Variants in ASB5 observed in about 807,000 individuals in gnomAD.
The protein encoded by ASB5 is ankyrin repeat and SOCS box protein 5.
In ASB5, 45 loss-of-function variants were observed where a neutral mutation model predicts 42.1. That is an observed-to-expected ratio of 1.07 (90% CI 0.84 to 1.37). The LOEUF is 1.37. Ranked by LOEUF, ASB5 falls within the 40% of genes most tolerant of loss-of-function variation. The probability of loss-of-function intolerance (pLI) is 0.00; values close to 1 mark genes in which losing one functional copy is unlikely to be tolerated. For synonymous variants in ASB5, 147 were observed against 150.6 expected (o/e 0.98, Z 0.18); for missense variants, 402 against 399.8 (o/e 1.01, Z -0.05).
upstream of ASB5, among the ~76,000 whole-genome samples, chr4:176,272,210 A>G (rs1754482022): frequency 6.6e-6 from 1 of 152,218 alleles, no homozygotes; most frequent in Non-Finnish European, 1.5e-5. Flanking sequence ...GTTGAGAGTT[A>G]GTACATTAAA....
At chr4:176,226,615 C>G (rs1753385954) in intron 1 of ASB5, among the ~76,000 whole-genome samples, 1 of 152,212 alleles carries the variant, frequency 6.6e-6, no homozygotes, top group South Asian at 2.1e-4. Flanking sequence ...TCTGGAGAAC[C>G]CTGACTAATA....
chr4:176,217,360 G>C (rs1316035193), intron 5 of ASB5, among the ~76,000 whole-genome samples: 1 of 152,040 alleles, frequency 6.6e-6, no homozygotes, highest in African/African-American at 2.4e-5. Flanking sequence ...TATAAAGAGT[G>C]CACAATTAAG....
rs143551445 is a variant in ASB5, at chr4:176,265,570, C to T, written c.196+3343G>A. Among the ~76,000 whole-genome samples, 25 of 152,284 alleles carry T rather than the reference C, an allele frequency of 1.6e-4. No individual in the cohort carries two copies. The East Asian group carries it at 4.8e-3, about 29-fold the overall frequency. On this transcript the variant is annotated intron_variant, in intron 1 of 6. Transcript: ENST00000296525. ...TCCATTTGTAGCAAAAACTGCTAAA[C>T]TTCTTCAGAGTCTAAGACAGAACTT... is the stretch of plus-strand genomic sequence containing the variant.
intron 1 of ASB5, among the ~76,000 whole-genome samples, chr4:176,239,633 C>T (rs1290432332): frequency 6.6e-6 from 1 of 152,062 alleles, no homozygotes; most frequent in Admixed American, 6.5e-5. Context: ...CCTCTTAAGC[C>T]GTGGGCACTA....
intron 1 of ASB5, among the ~76,000 whole-genome samples, chr4:176,231,830 G>A (rs1183898157): frequency 7.3e-6 from 1 of 137,168 alleles, no homozygotes; most frequent in Non-Finnish European, 1.6e-5. Context: ...GGGCAACAGA[G>A]TGAGACTCTG....
At chr4:176,219,355 A>ATATAAATATATATATTTGTATGATG (rs1753108066) in intron 5 of ASB5, among the ~76,000 whole-genome samples, 1 of 104,202 alleles carries the variant, frequency 9.6e-6, no homozygotes, top group Non-Finnish European at 1.9e-5. Context: ...TTTGTATGAT[A>ATATAAATATATATATTTGTATGATG]TATAAATATA....
Position 176,221,491 on chromosome 4 carries a change from T to A in ASB5, c.494A>T (p.Glu165Val). 1 of 1,614,154 alleles carries A rather than the reference T, an allele frequency of 6.2e-7. No homozygotes were observed. The highest frequency in any genetic ancestry group is 8.5e-7 in the Non-Finnish European group (1 of 1,180,024). ...ATGCGTTGGGGATGGAAGACATGAC[T>A]CCAGCTGGGCTTTGGCACCATACTC... ...LLEYGAKAQL[E>V]SCLPSPTHEA... is the part of the protein sequence containing the mutation. Residue 165 changes from glutamate (E) to valine (V), a missense_variant, in exon 4 of 7, where the codon GAG (glutamate) becomes GTG (valine). Transcript: ENST00000296525.
chr4:176,244,939 G>A (rs1171594706), intron 1 of ASB5, among the ~76,000 whole-genome samples: 1 of 151,762 alleles, frequency 6.6e-6, no homozygotes, highest in Non-Finnish European at 1.5e-5. Context: ...CTCTCACCTG[G>A]GCAACAGAGA....
intron 1 of ASB5, among the ~76,000 whole-genome samples, chr4:176,243,974 A>G (rs1753860334): frequency 6.6e-6 from 1 of 152,344 alleles, no homozygotes; most frequent in African/African-American, 2.4e-5. Context: ...CAAAAATTCA[A>G]TCTGAACATT....
intron 1 of ASB5, among the ~76,000 whole-genome samples, chr4:176,267,226 T>C (rs1579337256): frequency 6.6e-6 from 1 of 152,226 alleles, no homozygotes; most frequent in Non-Finnish European, 1.5e-5. Flanking sequence ...ATGGCTTTTG[T>C]TTTAAAATTT....
chr4:176,273,320 A>G (rs540791984), upstream of ASB5, among the ~76,000 whole-genome samples: 2 of 152,310 alleles, frequency 1.3e-5, no homozygotes, highest in South Asian at 4.1e-4. Context: ...TCATATACCC[A>G]TAAATTTGAA....
At chr4:176,256,222 G>C (rs1754153307) in intron 1 of ASB5, among the ~76,000 whole-genome samples, 1 of 152,122 alleles carries the variant, frequency 6.6e-6, no homozygotes, top group African/African-American at 2.4e-5. Context: ...CATCACATAG[G>C]AGAAAGCTAG....
intron 1 of ASB5, among the ~76,000 whole-genome samples, chr4:176,244,597 T>A (rs958842692): frequency 2.6e-5 from 4 of 152,118 alleles, no homozygotes; most frequent in Non-Finnish European, 5.9e-5. Flanking sequence ...AGCCAAACTG[T>A]AAACAGTCAC....
At chr4:176,271,696 A>G (rs1004881033), upstream of ASB5, among the ~76,000 whole-genome samples, 3 of 152,146 alleles carry the variant, frequency 2.0e-5, no homozygotes, top group Admixed American at 1.3e-4. Flanking sequence ...CTACATGCAT[A>G]TATTTATTTA....
intron 1 of ASB5, among the ~76,000 whole-genome samples, chr4:176,250,217 T>C (rs1346085255): frequency 6.6e-6 from 1 of 152,158 alleles, no homozygotes; most frequent in Non-Finnish European, 1.5e-5. Flanking sequence ...ATTTACGTTC[T>C]GGAATAGGGT....
chr4:176,217,607 G>A (rs1025633851), intron 5 of ASB5, among the ~76,000 whole-genome samples: 4 of 152,072 alleles, frequency 2.6e-5, no homozygotes, highest in African/African-American at 9.7e-5. Flanking sequence ...AAGGCACATT[G>A]ATGATATCTG....
At chr4:176,262,232 T>C (rs1274366295) in intron 1 of ASB5, among the ~76,000 whole-genome samples, 1 of 152,204 alleles carries the variant, frequency 6.6e-6, no homozygotes, top group Non-Finnish European at 1.5e-5. Context: ...ACGTCCCCTA[T>C]CAAAGTACAC....
chr4:176,251,933 G>T (rs1330683091), intron 1 of ASB5, among the ~76,000 whole-genome samples: 2 of 151,598 alleles, frequency 1.3e-5, no homozygotes, highest in African/African-American at 4.8e-5. Context: ...AGGCATGGTG[G>T]TACACACCTG....
chr4:176,252,085 A>AAAAAAAAAAAAAAG (rs1754051450), intron 1 of ASB5, among the ~76,000 whole-genome samples: 41 of 30,440 alleles, frequency 1.3e-3, no homozygotes, highest in African/African-American at 2.9e-3. Flanking sequence ...AAAAAAAAAG[A>AAAAAAAAAAAAAAG]AAAAAAAAAA....
Sources: gnomAD v4.1 joint callset for allele counts (sites outside exome capture counted in the v4.1 genomes callset) on GRCh38, gnomAD v4.1.1 for gene constraint, MANE v1.5 for transcripts, NCBI Gene and HGNC (gene_info 2026-07-23, HGNC 2026-07-21) for gene names.